RBM6: variants seen among roughly 807,000 people sequenced by gnomAD.
The protein encoded by RBM6 is RNA binding motif protein 6, also known as RNA-binding protein 6.
In RBM6, 23 loss-of-function variants were observed where a neutral mutation model predicts 140.4. The observed-to-expected ratio is 0.16, with a 90% CI of 0.12 to 0.23. The LOEUF (loss-of-function observed/expected upper bound fraction) is 0.23, where lower values mean the gene tolerates loss of function less well. Among genes scored for constraint, RBM6 ranks in the 10% least tolerant of loss-of-function variants. RBM6 has a pLI of 1.00. For missense variants in RBM6, 1,139 were observed against 1,386.7 expected (o/e 0.82, Z 2.84); for synonymous variants, 439 against 475.6 (o/e 0.92, Z 1.00).
intron 5 of RBM6, among the ~76,000 whole-genome samples, chr3:49,979,530 C>G (rs2085210413): frequency 6.7e-6 from 1 of 149,994 alleles, no homozygotes; most frequent in East Asian, 2.0e-4. Flanking sequence ...ACCTCCATCT[C>G]CCGGGTTCAA....
chr3:50,060,742 A>G, intron 11 of RBM6: 2 of 280,156 alleles, frequency 7.1e-6, no homozygotes, highest in Middle Eastern at 1.0e-3. Flanking sequence ...CGACAGAGCA[A>G]GACTCCGTCT....
At chr3:50,003,391 G>A (rs1437225433) in intron 6 of RBM6, among the ~76,000 whole-genome samples, 7 of 151,076 alleles carry the variant, frequency 4.6e-5, no homozygotes, top group African/African-American at 1.7e-4. Context: ...TGGATTCTGA[G>A]TCACCACGAT....
At chr3:49,975,187 G>A (rs2085008500) in intron 4 of RBM6, 136 bp from the exon 5 acceptor site, 1 of 724,172 alleles carries the variant, frequency 1.4e-6, no homozygotes, top group Non-Finnish European at 2.4e-6. Context: ...AATGCCTTGA[G>A]TGTTCATAGT....
At chr3:50,041,969 A>G (rs1235138097) in intron 6 of RBM6, among the ~76,000 whole-genome samples, 1 of 152,220 alleles carries the variant, frequency 6.6e-6, no homozygotes, top group Non-Finnish European at 1.5e-5. Context: ...CCTGACTTTT[A>G]GTACTGTATG....
intron 6 of RBM6, among the ~76,000 whole-genome samples, chr3:50,047,955 C>T (rs963405936): frequency 2.0e-5 from 3 of 152,136 alleles, no homozygotes; most frequent in African/African-American, 7.2e-5. Context: ...TACCTGACCT[C>T]TGGACAAGTA....
At chr3:49,986,214 A>C (rs1478493144) in intron 5 of RBM6, among the ~76,000 whole-genome samples, 2 of 147,492 alleles carry the variant, frequency 1.4e-5, no homozygotes, top group African/African-American at 5.0e-5. Flanking sequence ...GGCTGATCTT[A>C]AACTCCTGAC....
rs904082196 is a variant in RBM6, at chr3:50,055,453, C to T, written c.1693+1058C>T. ...AATTGCAGTTTGGTGCCCAACTTAACGTAACCTGTTAGTAAATGATTTCAG... is the reference window on the plus strand; with the variant it reads ...AATTGCAGTTTGGTGCCCAACTTAATGTAACCTGTTAGTAAATGATTTCAG... On this transcript the variant is annotated intron_variant, in intron 8 of 20. Transcript: ENST00000266022. Among the ~76,000 whole-genome samples the T allele has an allele frequency of 1.2e-4, 19 of 152,202 alleles. 1 individual carries two copies. The highest frequency in any genetic ancestry group is 5.2e-4 in the Admixed American group (8 of 15,270).
intron 1 of RBM6, among the ~76,000 whole-genome samples, chr3:49,943,387 C>CG (rs2083366543): frequency 6.6e-6 from 1 of 151,956 alleles, no homozygotes; most frequent in South Asian, 2.1e-4. Flanking sequence ...ACTGCAGCCT[C>CG]GAACTCGAGC....
At chr3:49,964,325 A>C (rs1308880516) in intron 2 of RBM6, among the ~76,000 whole-genome samples, 2 of 152,190 alleles carry the variant, frequency 1.3e-5, no homozygotes, top group Non-Finnish European at 2.9e-5. Context: ...TAGAAAATCC[A>C]TATAATGTTT....
Position 49,995,412 on chromosome 3 carries a change from C to T in RBM6, c.1484-4028C>T, listed in dbSNP as rs184004111. ...CTCTACTGAAAATACAAAAATTAGCCGGGCGTGGTAGTCCCAGCTACTGCA... is the reference window on the plus strand; with the variant it reads ...CTCTACTGAAAATACAAAAATTAGCTGGGCGTGGTAGTCCCAGCTACTGCA... On this transcript the variant is annotated intron_variant, in intron 5 of 20. Coordinates refer to ENST00000266022, the MANE Select transcript of RBM6 (RefSeq NM_005777.3). Among the ~76,000 whole-genome samples, 1,066 of 151,922 alleles carry T rather than the reference C, an allele frequency of 7.0e-3. 15 individuals are homozygous for T. The highest frequency in any genetic ancestry group is 0.024 in the African/African-American group (1,013 of 41,438).
chr3:50,076,831 C>G (rs1344244380), intron 20 of RBM6, among the ~76,000 whole-genome samples, 177 bp from the exon 21 acceptor site: 3 of 151,814 alleles, frequency 2.0e-5, no homozygotes, highest in African/African-American at 7.3e-5. Context: ...TTGCAGTGAG[C>G]CCAGATCGCA....
chr3:50,068,667 C>T (rs2090193346), intron 17 of RBM6, 23 bp from the exon 18 acceptor site: 2 of 1,609,460 alleles, frequency 1.2e-6, no homozygotes, highest in African/African-American at 2.7e-5. Flanking sequence ...GACCTATACT[C>T]ATAGAATTGC....
intron 10 of RBM6, chr3:50,058,915 C>CAA (rs200216165): frequency 2.8e-4 from 23 of 81,906 alleles, no homozygotes; most frequent in South Asian, 7.3e-4. Flanking sequence ...GACTCTGTCT[C>CAA]AAAAAAAAAA....
intron 5 of RBM6, among the ~76,000 whole-genome samples, chr3:49,997,132 GCACAACCATGAGT>G (rs1321472178): frequency 3.3e-5 from 5 of 151,260 alleles, no homozygotes; most frequent in African/African-American, 1.2e-4. Context: ...AATCCTTATG[GCACAACCATGAGT>G]CTTGAACACA....
At chr3:50,026,619 C>G (rs2087838532) in intron 6 of RBM6, among the ~76,000 whole-genome samples, 1 of 136,624 alleles carries the variant, frequency 7.3e-6, no homozygotes, top group Non-Finnish European at 1.6e-5. Flanking sequence ...CACGCCTGGC[C>G]AAGACTCTGT....
In RBM6 at chr3:49,947,113, G is replaced by A. The variant is rs1380584866; in HGVS notation, c.-67+6888G>A. On this transcript the variant is annotated intron_variant, in intron 1 of 20. Transcript: ENST00000266022. ...AAAAAAAAAAAAAAATTAGCCGGGCGCAGTGGCAGGCGCCTGTAGTCCCAG... is the reference window on the plus strand; with the variant it reads ...AAAAAAAAAAAAAAATTAGCCGGGCACAGTGGCAGGCGCCTGTAGTCCCAG... Among the ~76,000 whole-genome samples, 5 of 150,016 alleles carry A rather than the reference G, an allele frequency of 3.3e-5. No homozygotes were observed. In the Middle Eastern group the frequency reaches 0.01, roughly 308 times the overall value.
At chr3:49,949,050 C>T (rs2108578166) in intron 1 of RBM6, among the ~76,000 whole-genome samples, 1 of 150,962 alleles carries the variant, frequency 6.6e-6, no homozygotes, top group South Asian at 2.1e-4. Flanking sequence ...AGGCTGGTCT[C>T]AAATTTCTGA....
chr3:50,003,378 G>C (rs961649091), intron 6 of RBM6, among the ~76,000 whole-genome samples: 1 of 151,164 alleles, frequency 6.6e-6, no homozygotes, highest in South Asian at 2.1e-4. Context: ...GACCAAATTG[G>C]TATGGATTCT....
In RBM6 at chr3:49,968,119, C is replaced by G; in HGVS notation, c.694C>G (p.Gln232Glu). ...GGACTTTAGAGACAAAGACGGAACA[C>G]AAGTAGACTTTAGAGGCCGAGGTTC... ...DLDFRDKDGT[Q>E]VDFRGRGSGT... Residue 232 changes from glutamine to glutamate, a missense_variant, in exon 3 of 21, where the codon CAA becomes GAA. Around this residue, in one of 9 missense-constraint regions of RBM6, gnomAD observed 566 missense variants for 612.7 expected, o/e 0.92. Coordinates refer to ENST00000266022, the MANE Select transcript of RBM6 (RefSeq NM_005777.3). 1 of 1,614,112 alleles carries G rather than the reference C, an allele frequency of 6.2e-7. No individual in the cohort carries two copies. The highest frequency in any genetic ancestry group is 8.5e-7 in the Non-Finnish European group (1 of 1,180,028).
Sources: gnomAD v4.1 joint callset for allele counts (sites outside exome capture counted in the v4.1 genomes callset) on GRCh38, gnomAD v4.1.1 for gene constraint, gnomAD v4.1.1 regional missense constraint, MANE v1.5 for transcripts, NCBI Gene and HGNC (gene_info 2026-07-23, HGNC 2026-07-21) for gene names.